Variants in GPC3 observed in about 807,000 individuals in gnomAD.
The protein encoded by GPC3 is glypican-3.
In GPC3, 3 loss-of-function variants were observed where a neutral mutation model predicts 34.4. The ratio of observed to expected loss-of-function variants is 0.09; its 90% confidence interval spans 0.04 to 0.23. The LOEUF is 0.23. GPC3 is among the 10% of genes least tolerant of loss of function. GPC3 has a pLI of 1.00. For missense variants in GPC3, 351 were observed against 445.6 expected (o/e 0.79, Z 1.91); for synonymous variants, 177 against 174.0 (o/e 1.02, Z -0.13).
intron 6 of GPC3, among the ~76,000 whole-genome samples, chrX:133,638,107 T>C (rs768314151): frequency 9.0e-6 from 1 of 111,724 alleles, no homozygotes; most frequent in African/African-American, 3.3e-5. Flanking sequence ...TTTCGTCCTT[T>C]AGGGAATCTA....
chrX:133,622,957 T>A (rs1170855820), intron 6 of GPC3, among the ~76,000 whole-genome samples: 4 of 112,238 alleles, frequency 3.6e-5, no homozygotes, highest in Non-Finnish European at 7.5e-5. Context: ...TAACAGCTGA[T>A]CTCTCGGCAA....
At chrX:133,541,024 C>T (rs754703850) in intron 7 of GPC3, among the ~76,000 whole-genome samples, 67 of 108,178 alleles carry the variant, frequency 6.2e-4, no homozygotes, top group Non-Finnish European at 1.1e-3. Flanking sequence ...AGAGCCAAAT[C>T]ATGGTGGATT....
At chrX:133,687,383 GTTTTTTT>G (rs1189478107) in intron 5 of GPC3, among the ~76,000 whole-genome samples, 7 of 50,213 alleles carry the variant, frequency 1.4e-4, no homozygotes, top group African/African-American at 5.1e-4. Flanking sequence ...AATTATCAGA[GTTTTTTT>G]TTTTTTTTTT....
At chrX:133,594,366 T>G (rs1249382027) in intron 7 of GPC3, among the ~76,000 whole-genome samples, 1 of 111,398 alleles carries the variant, frequency 9.0e-6, no homozygotes, top group Non-Finnish European at 1.9e-5. Flanking sequence ...CAGTTGAGAC[T>G]CGTGGTAATG....
At chrX:133,976,285 C>A (rs1468890491) in intron 1 of GPC3, among the ~76,000 whole-genome samples, 1 of 111,677 alleles carries the variant, frequency 9.0e-6, no homozygotes, top group Non-Finnish European at 1.9e-5. Context: ...TGTGCTGGAA[C>A]CAGGCAGGTT....
At chrX:133,889,900 A>ATCTCAACT (rs1307635775) in intron 2 of GPC3, among the ~76,000 whole-genome samples, 6 of 100,445 alleles carry the variant, frequency 6.0e-5, no homozygotes, top group Non-Finnish European at 1.2e-4. Context: ...CAATGGCACA[A>ATCTCAACT]TCTCAACTCG....
At chrX:133,773,587 T>C (rs868648334) in intron 2 of GPC3, among the ~76,000 whole-genome samples, 2 of 111,738 alleles carry the variant, frequency 1.8e-5, no homozygotes, top group Non-Finnish European at 3.8e-5. Context: ...CTAGTGACAG[T>C]TATTTCTCCA....
intron 7 of GPC3, among the ~76,000 whole-genome samples, chrX:133,552,391 T>C (rs1194425926): frequency 8.9e-6 from 1 of 111,943 alleles, no homozygotes; most frequent in Admixed American, 9.5e-5. Context: ...CAGCGTCTTT[T>C]GGAGACCATG....
intron 2 of GPC3, among the ~76,000 whole-genome samples, chrX:133,878,338 A>C (rs185594579): frequency 1.0e-3 from 116 of 110,796 alleles, no homozygotes; most frequent in Admixed American, 2.7e-3. Flanking sequence ...GAGGCAGGAG[A>C]ATTGCTTGAA....
At chrX:133,704,334 G>A (rs1335584019) in intron 3 of GPC3, 1 of 669,832 alleles carries the variant, frequency 1.5e-6, no homozygotes. Context: ...TGTAGGGCAG[G>A]GAAAATTTTA....
At chrX:133,636,400 C>T (rs1320413388) in intron 6 of GPC3, among the ~76,000 whole-genome samples, 2 of 112,476 alleles carry the variant, frequency 1.8e-5, no homozygotes, top group Non-Finnish European at 3.8e-5. Flanking sequence ...GGCACAATGG[C>T]TCACACCTGT....
intron 2 of GPC3, among the ~76,000 whole-genome samples, chrX:133,885,978 A>T (rs2076059986): frequency 9.0e-6 from 1 of 111,645 alleles, no homozygotes; most frequent in Non-Finnish European, 1.9e-5. Context: ...AATTGTCTCC[A>T]TTTTCCCCTT....
chrX:133,852,109 T>A, intron 2 of GPC3, among the ~76,000 whole-genome samples: 1 of 109,739 alleles, frequency 9.1e-6, no homozygotes. Flanking sequence ...CCTAACTGTA[T>A]TTTGCAAACT....
At chrX:133,875,609 AT>A (rs1180532329) in intron 2 of GPC3, among the ~76,000 whole-genome samples, 5 of 111,310 alleles carry the variant, frequency 4.5e-5, no homozygotes, top group Admixed American at 9.6e-5. Flanking sequence ...AGTCTCTCAT[AT>A]TCTTTTATCA....
intron 7 of GPC3, among the ~76,000 whole-genome samples, chrX:133,563,859 G>A (rs1386625950): frequency 8.9e-6 from 1 of 111,947 alleles, no homozygotes; most frequent in Non-Finnish European, 1.9e-5. Context: ...GTGAGAAGGG[G>A]TGGGGCCCTA....
intron 2 of GPC3, among the ~76,000 whole-genome samples, chrX:133,822,903 C>T (rs1441403815): frequency 2.8e-5 from 3 of 108,988 alleles, no homozygotes; most frequent in Admixed American, 9.8e-5. Flanking sequence ...CTGAGGCAGG[C>T]GGATCACCTG....
intron 2 of GPC3, among the ~76,000 whole-genome samples, chrX:133,918,969 G>A (rs2076236193): frequency 9.0e-6 from 1 of 111,708 alleles, no homozygotes; most frequent in Non-Finnish European, 1.9e-5. Flanking sequence ...CTCATTTTCT[G>A]ACAGAGCAGT....
At chrX:133,758,466 G>A (rs937940273) in intron 2 of GPC3, among the ~76,000 whole-genome samples, 1 of 111,243 alleles carries the variant, frequency 9.0e-6, no homozygotes, top group Non-Finnish European at 1.9e-5. Context: ...ACCTAACACC[G>A]CATGTTCTCA....
At chrX:133,641,033 G>A (rs1233317061) in intron 6 of GPC3, among the ~76,000 whole-genome samples, 1 of 109,771 alleles carries the variant, frequency 9.1e-6, no homozygotes, top group Non-Finnish European at 1.9e-5. Context: ...TTTTGCTTGT[G>A]TTTGTGGAAG....
Sources: allele counts gnomAD v4.1 joint callset (sites outside exome capture counted in the v4.1 genomes callset), GRCh38; gene constraint gnomAD v4.1.1; transcripts MANE v1.5; gene names NCBI Gene and HGNC (gene_info 2026-07-23, HGNC 2026-07-21).